The following ANKS1B variants were observed in gnomAD, a reference collection of about 807,000 sequenced individuals.
ANKS1B encodes the protein ankyrin repeat and sterile alpha motif domain-containing protein 1B.
In ANKS1B, 36 loss-of-function variants were observed where a neutral mutation model predicts 148.3. That is an observed-to-expected ratio of 0.24 (90% CI 0.19 to 0.32). ANKS1B has a LOEUF of 0.32. Ranked by LOEUF, ANKS1B falls within the 10% of genes least tolerant of loss-of-function variation. ANKS1B has a pLI of 1.00. For missense variants in ANKS1B, 1,157 were observed against 1,542.6 expected, an observed-to-expected ratio of 0.75 and a Z score of 4.19; for synonymous variants, 542 against 560.8, an observed-to-expected ratio of 0.97 and a Z score of 0.47.
chr12:98,738,695 G>A (rs1307356998), intron 9 of ANKS1B, among the ~76,000 whole-genome samples: 7 of 152,192 alleles, frequency 4.6e-5, no homozygotes, highest in Non-Finnish European at 7.3e-5. Flanking sequence ...TCTTAGGCTT[G>A]TAAGTCACCT....
rs138023613 is a variant in ANKS1B, at chr12:98,952,197, T to C, written c.2778+100960A>G. On this transcript the variant is annotated intron_variant, in intron 17 of 26. Transcript: ENST00000683438. ...ATGATTTCATTTTTCATAACATCTT[T>C]GTGAGACTTGTAGTAGTGTAGTATT... 2.0e-5 allele frequency among the ~76,000 whole-genome samples: 3 copies of C among 152,368 alleles called. No individual in the cohort carries two copies. In the East Asian group the frequency reaches 5.8e-4, roughly 29 times the overall value.
At chr12:99,679,220 AG>A (rs1249752048) in intron 8 of ANKS1B, among the ~76,000 whole-genome samples, 4 of 152,248 alleles carry the variant, frequency 2.6e-5, no homozygotes, top group African/African-American at 9.6e-5. Context: ...CCTCATCTGA[AG>A]TTACACTCAG....
chr12:99,769,860 T>A (rs1567813828), intron 8 of ANKS1B, among the ~76,000 whole-genome samples: 1 of 152,196 alleles, frequency 6.6e-6, no homozygotes, highest in East Asian at 1.9e-4. Context: ...ATGCACTAAT[T>A]CTCATCTCTG....
intron 9 of ANKS1B, among the ~76,000 whole-genome samples, chr12:99,506,586 A>C (rs1310911380): frequency 6.6e-6 from 1 of 151,968 alleles, no homozygotes; most frequent in East Asian, 1.9e-4. Context: ...ATAGCCACAT[A>C]ATAGTTTTCT....
intron 15 of ANKS1B, among the ~76,000 whole-genome samples, chr12:99,153,610 C>G (rs978943522): frequency 1.3e-5 from 2 of 152,088 alleles, no homozygotes; most frequent in East Asian, 3.9e-4. Flanking sequence ...TGCATGTAGA[C>G]CAGAATTCAG....
At chr12:99,676,546 A>G (rs1405860975) in intron 8 of ANKS1B, among the ~76,000 whole-genome samples, 1 of 152,204 alleles carries the variant, frequency 6.6e-6, no homozygotes, top group Non-Finnish European at 1.5e-5. Flanking sequence ...GAATTTTCCT[A>G]TCTTCACACT....
At chr12:98,990,666 A>C (rs1263820280) in intron 17 of ANKS1B, among the ~76,000 whole-genome samples, 1 of 152,104 alleles carries the variant, frequency 6.6e-6, no homozygotes, top group Admixed American at 6.5e-5. Context: ...TGGGCTCTGG[A>C]GGAAAGAGGC....
At chr12:98,945,449 T>C (rs1183480762) in intron 17 of ANKS1B, among the ~76,000 whole-genome samples, 4 of 142,298 alleles carry the variant, frequency 2.8e-5, no homozygotes, top group African/African-American at 1.1e-4. Context: ...GAGCTGAGAT[T>C]GTGTCAATGC....
rs1324255408 is a variant in ANKS1B at position 98,965,115 on chromosome 12, AC to A, written c.2778+88041del. On this transcript the variant is annotated intron_variant, in intron 17 of 26. Transcript: ENST00000683438. ...ACATACCTACAAAAATAAAAAAAAA[AC>A]CCCTGGACTCTGGAGTCAGATTCAT... Among the ~76,000 whole-genome samples, 11 of 152,016 alleles carry A rather than the reference AC, an allele frequency of 7.2e-5. No homozygotes were observed. In the East Asian group the frequency reaches 1.5e-3, roughly 21 times the overall value.
intron 1 of ANKS1B, among the ~76,000 whole-genome samples, chr12:99,968,986 C>A (rs548326168): frequency 6.6e-6 from 1 of 152,128 alleles, no homozygotes; most frequent in Non-Finnish European, 1.5e-5. Flanking sequence ...CCTGCAGAAC[C>A]CTGAGCCAAT....
chr12:99,481,633 T>C (rs2096412423), intron 10 of ANKS1B, among the ~76,000 whole-genome samples: 1 of 152,096 alleles, frequency 6.6e-6, no homozygotes, highest in East Asian at 1.9e-4. Flanking sequence ...TCCACAAAGG[T>C]TGTACTAATT....
chr12:99,888,450 G>T (rs556249699), intron 1 of ANKS1B, among the ~76,000 whole-genome samples: 10 of 152,198 alleles, frequency 6.6e-5, no homozygotes, highest in South Asian at 2.1e-4. Flanking sequence ...CCTCAAAGTG[G>T]GCCATTCCTT....
At chr12:99,057,798 C>T (rs2040783032) in intron 16 of ANKS1B, among the ~76,000 whole-genome samples, 1 of 152,272 alleles carries the variant, frequency 6.6e-6, no homozygotes, top group African/African-American at 2.4e-5. Flanking sequence ...TTCATATGCT[C>T]TCTCATAAGA....
At chr12:99,224,610 C>T (rs557820907) in intron 14 of ANKS1B, among the ~76,000 whole-genome samples, 70 of 152,196 alleles carry the variant, frequency 4.6e-4, no homozygotes, top group Admixed American at 1.3e-3. Flanking sequence ...AAGCAGATGC[C>T]GCTATACTTC....
intron 15 of ANKS1B, among the ~76,000 whole-genome samples, chr12:99,152,117 C>A (rs2075099308): frequency 6.6e-6 from 1 of 152,030 alleles, no homozygotes; most frequent in Non-Finnish European, 1.5e-5. Flanking sequence ...ACTAAGTTTG[C>A]AATTACATAA....
chr12:99,285,831 C>T (rs2079057048), intron 12 of ANKS1B, among the ~76,000 whole-genome samples: 1 of 152,054 alleles, frequency 6.6e-6, no homozygotes, highest in Admixed American at 6.6e-5. Flanking sequence ...TAACACAGGG[C>T]AGAACTCAGC....
intron 11 of ANKS1B, among the ~76,000 whole-genome samples, chr12:99,414,683 G>T (rs919448963): frequency 6.6e-6 from 1 of 152,162 alleles, no homozygotes; most frequent in Admixed American, 6.5e-5. Flanking sequence ...GCCTGTCCAG[G>T]GGGTGAGGGG....
At chr12:99,852,711 T>C (rs2088146957) in intron 1 of ANKS1B, among the ~76,000 whole-genome samples, 1 of 152,200 alleles carries the variant, frequency 6.6e-6, no homozygotes, top group South Asian at 2.1e-4. Context: ...GCCAAGAGAA[T>C]GCACAGACCC....
At position 99,190,621 on chromosome 12, in the gene ANKS1B, G is replaced by A. The variant is rs552154309; in HGVS notation, c.2420-36226C>T. On this transcript the variant is annotated intron_variant, in intron 14 of 26. Transcript: ENST00000683438. ...GATTCCCTATTTAATAAATACTGCT[G>A]GGAAAACTGGCTAGCCATATGCAGA... Among the ~76,000 whole-genome samples, 8 of 152,230 alleles carry A rather than the reference G, an allele frequency of 5.3e-5. No homozygotes were observed. The South Asian group carries it at 1.5e-3, about 28-fold the overall frequency.
Sources: allele counts gnomAD v4.1 joint callset (sites outside exome capture counted in the v4.1 genomes callset), GRCh38; gene constraint gnomAD v4.1.1; transcripts MANE v1.5; gene names NCBI Gene and HGNC (gene_info 2026-07-23, HGNC 2026-07-21).